Variants in SAMD4A observed in about 807,000 individuals in gnomAD.
SAMD4A encodes protein Smaug homolog 1.
SAMD4A carries 33 observed loss-of-function variants against 81.3 expected under a neutral mutation model. The ratio of observed to expected loss-of-function variants is 0.41; its 90% CI spans 0.31 to 0.54. SAMD4A has a LOEUF of 0.54. Ranked by LOEUF, SAMD4A falls within the 20% of genes least tolerant of loss-of-function variation. The pLI is 0.37. For synonymous variants in SAMD4A, 389 were observed against 382.1 expected, an observed-to-expected ratio of 1.02 and a Z score of -0.21; for missense variants, 854 against 951.1, an observed-to-expected ratio of 0.90 and a Z score of 1.34.
chr14:54,661,069 C>T (rs141568179), intron 2 of SAMD4A, among the ~76,000 whole-genome samples: 26 of 152,278 alleles, frequency 1.7e-4, no homozygotes, highest in African/African-American at 6.0e-4. Context: ...GTCAGAACAC[C>T]GAAGTTCTTG....
intron 2 of SAMD4A, among the ~76,000 whole-genome samples, chr14:54,651,331 C>T (rs538870736): frequency 1.8e-4 from 28 of 152,244 alleles, no homozygotes; most frequent in African/African-American, 6.0e-4. Flanking sequence ...CAAGTAAAGA[C>T]GAGGTGATGT....
At chr14:54,581,867 A>G (rs1485778019) in intron 2 of SAMD4A, among the ~76,000 whole-genome samples, 1 of 152,260 alleles carries the variant, frequency 6.6e-6, no homozygotes, top group Non-Finnish European at 1.5e-5. Context: ...TAAACAAGAA[A>G]ATAATTATGC....
At chr14:54,636,414 G>T (rs992484299) in intron 2 of SAMD4A, among the ~76,000 whole-genome samples, 1 of 152,146 alleles carries the variant, frequency 6.6e-6, no homozygotes, top group Non-Finnish European at 1.5e-5. Context: ...AAGCCCTTTG[G>T]CTTCCACACT....
chr14:54,625,056 CAA>C (rs1360957379), intron 2 of SAMD4A, among the ~76,000 whole-genome samples: 1 of 152,108 alleles, frequency 6.6e-6, no homozygotes, highest in African/African-American at 2.4e-5. Flanking sequence ...GCTACTATGG[CAA>C]AGTTATCATT....
At chr14:54,667,545 A>T (rs1251843487) in intron 2 of SAMD4A, among the ~76,000 whole-genome samples, 2 of 152,156 alleles carry the variant, frequency 1.3e-5, no homozygotes, top group African/African-American at 4.8e-5. Context: ...ATCTCATTGA[A>T]GAGCCAAGGA....
intron 2 of SAMD4A, among the ~76,000 whole-genome samples, chr14:54,619,256 A>G (rs2034559932): frequency 6.6e-6 from 1 of 152,234 alleles, no homozygotes; most frequent in Non-Finnish European, 1.5e-5. Flanking sequence ...GACTTTGAAA[A>G]TGATAACTTT....
chr14:54,672,694 T>G (rs2035911174), intron 2 of SAMD4A, among the ~76,000 whole-genome samples: 1 of 152,254 alleles, frequency 6.6e-6, no homozygotes, highest in African/African-American at 2.4e-5. Context: ...GGGCAATTTC[T>G]AAGACCACAT....
chr14:54,613,787 G>A (rs1200075826), intron 2 of SAMD4A, among the ~76,000 whole-genome samples: 1 of 152,170 alleles, frequency 6.6e-6, no homozygotes, highest in African/African-American at 2.4e-5. Context: ...CTCAAAGTGT[G>A]GTAGGGACTC....
rs764221649 is a variant in SAMD4A, at chr14:54,702,560, T to C, written c.695T>C (p.Ile232Thr). The change falls in exon 3 of 13, where the codon ATT becomes ACT. Residue 232 changes from isoleucine (I) to threonine (T), a missense_variant. By Grantham distance (89) the Ile-to-Thr change is moderately conservative (BLOSUM62 -1). Coordinates refer to ENST00000554335, the MANE Select transcript of SAMD4A (RefSeq NM_015589.6). ...TCTGTCCCCACCACAATCAATACGA[T>C]TGGAACCAGCACAAGTACAAGTAAG... ...SSSVPTTINT[I>T]GTSTSTILSG... The C allele has an allele frequency of 6.8e-6, 11 of 1,613,900 alleles. No individual in the cohort carries two copies. Among genetic ancestry groups the C allele is most frequent in the Admixed American group, 1.7e-5 (1 of 59,998 alleles).
intron 2 of SAMD4A, among the ~76,000 whole-genome samples, chr14:54,675,425 A>ATG (rs2035973295): frequency 6.7e-6 from 1 of 149,526 alleles, no homozygotes; most frequent in Non-Finnish European, 1.5e-5. Flanking sequence ...AGCTTATTTT[A>ATG]TGACCAACAA....
Position 54,793,207 on chromosome 14 carries a change from GTATT to G in SAMD4A, c.*4268_*4271del, listed in dbSNP as rs1405867797. The stretch of plus-strand genomic sequence containing the variant: ...CCTTGTGGTTTAAACTTGCTACAAT[GTATT>G]TATTATTCATTTCCTCCCATGTAAC... On this transcript the variant is annotated 3_prime_UTR_variant, in exon 13 of 13. Coordinates refer to ENST00000554335, the MANE Select transcript of SAMD4A (RefSeq NM_015589.6). 1 of 152,122 alleles carries G rather than the reference GTATT, an allele frequency of 6.6e-6. No individual in the cohort carries two copies. Among genetic ancestry groups the G allele is most frequent in the Non-Finnish European group, 1.5e-5 (1 of 68,024 alleles). The allele number at this position is 152,122 out of a possible 1,614,324, so 9.4% of individuals were successfully genotyped here.
intron 9 of SAMD4A, among the ~76,000 whole-genome samples, chr14:54,771,655 C>T (rs1441938273): frequency 2.0e-5 from 3 of 152,224 alleles, no homozygotes; most frequent in African/African-American, 7.2e-5. Context: ...ACCCCCATCC[C>T]AAGTGGCTTT....
At chr14:54,582,115 G>A (rs1310412584) in intron 2 of SAMD4A, among the ~76,000 whole-genome samples, 1 of 152,186 alleles carries the variant, frequency 6.6e-6, no homozygotes, top group African/African-American at 2.4e-5. Flanking sequence ...GAGCTATAAT[G>A]TCAAACTTGA....
At chr14:54,673,273 T>A (rs1264659903) in intron 2 of SAMD4A, among the ~76,000 whole-genome samples, 1 of 152,212 alleles carries the variant, frequency 6.6e-6, no homozygotes, top group African/African-American at 2.4e-5. Flanking sequence ...GAGCTAGAAT[T>A]TGGCTCTTTC....
intron 2 of SAMD4A, among the ~76,000 whole-genome samples, chr14:54,604,512 G>A (rs1337807320): frequency 6.6e-6 from 1 of 152,172 alleles, no homozygotes; most frequent in African/African-American, 2.4e-5. Flanking sequence ...TTACAGCCCT[G>A]AATAAGGAGT....
chr14:54,578,643 C>T (rs1016735694), intron 2 of SAMD4A, among the ~76,000 whole-genome samples: 2 of 151,162 alleles, frequency 1.3e-5, no homozygotes, highest in African/African-American at 2.4e-5. Flanking sequence ...ACCGAGGAGG[C>T]GGAGGTTGCA....
intron 2 of SAMD4A, among the ~76,000 whole-genome samples, chr14:54,623,463 A>G (rs939456300): frequency 1.2e-4 from 16 of 130,676 alleles, no homozygotes; most frequent in Middle Eastern, 4.8e-3. Context: ...CCCTCTGTTA[A>G]TAAATAACTT....
intron 2 of SAMD4A, among the ~76,000 whole-genome samples, chr14:54,649,654 A>G (rs2035361594): frequency 6.6e-6 from 1 of 152,208 alleles, no homozygotes. Context: ...GGGGCCATTT[A>G]ATAAAAATTG....
intron 9 of SAMD4A, among the ~76,000 whole-genome samples, chr14:54,771,717 C>T (rs185832246): frequency 6.6e-5 from 10 of 152,312 alleles, no homozygotes; most frequent in African/African-American, 2.2e-4. Flanking sequence ...GTTCCAGACT[C>T]CTCTTGCAAC....
Sources: allele counts gnomAD v4.1 joint callset (sites outside exome capture counted in the v4.1 genomes callset), GRCh38; gene constraint gnomAD v4.1.1; transcripts MANE v1.5; gene names NCBI Gene and HGNC (gene_info 2026-07-23, HGNC 2026-07-21).